Variants in UVSSA observed in about 807,000 individuals in gnomAD.
UVSSA encodes UV-stimulated scaffold protein A.
UVSSA carries 72 observed loss-of-function variants against 73.9 expected under a neutral mutation model. The observed-to-expected ratio is 0.97, with a 90% CI of 0.81 to 1.19. The LOEUF (loss-of-function observed/expected upper bound fraction) is 1.19. Ranked by LOEUF, UVSSA falls within the 50% of genes most tolerant of loss-of-function variation. The pLI, the probability that UVSSA is intolerant of heterozygous loss-of-function variation, is 0.00. For missense variants in UVSSA, 1,150 were observed against 965.0 expected (o/e 1.19, Z -2.54); for synonymous variants, 454 against 391.3 (o/e 1.16, Z -1.89).
intron 2 of UVSSA, 75 bp downstream of exon 2, chr4:1,348,264 G>A: frequency 8.5e-7 from 1 of 1,173,040 alleles, no homozygotes; most frequent in Admixed American, 1.8e-5. Context: ...CTGCCCTCCT[G>A]CCCCCACCTG....
intron 12 of UVSSA, 98 bp from the exon 13 acceptor site, chr4:1,383,668 C>A (rs1039467901): frequency 6.0e-6 from 9 of 1,490,736 alleles, no homozygotes; most frequent in East Asian, 2.3e-5. Flanking sequence ...ACCCAGCCCC[C>A]CTGTCAGGAC....
At chr4:1,368,040 C>T (rs1452862024) in intron 8 of UVSSA, among the ~76,000 whole-genome samples, 2 of 152,268 alleles carry the variant, frequency 1.3e-5, no homozygotes, top group African/African-American at 4.8e-5. Context: ...TGGGTCCAGC[C>T]CCCGGAGCAT....
chr4:1,351,690 C>T lies in UVSSA; in HGVS notation c.430-25C>T, dbSNP rs777994846. 2.3e-5 allele frequency: 37 copies of T among 1,610,556 alleles called. No individual in the cohort carries two copies. The Admixed American group carries it at 4.8e-4, about 21-fold the overall frequency. ...AGGCGTGAGCCACCGCGCCTGTCCC[C>T]TAGTCTTTATTTTCAATTGCTCAGG... is the stretch of plus-strand genomic sequence containing the variant. On this transcript the variant is annotated intron_variant, in intron 3 of 13. Coordinates refer to ENST00000389851, the MANE Select transcript of UVSSA (RefSeq NM_020894.4).
intron 7 of UVSSA, among the ~76,000 whole-genome samples, chr4:1,363,164 T>C (rs1410191420): frequency 1.3e-5 from 2 of 152,072 alleles, no homozygotes; most frequent in African/African-American, 4.8e-5. Context: ...ACGGTGGCTG[T>C]GGTGGGACCT....
At chr4:1,353,467 G>A (rs1715130786) in intron 5 of UVSSA, 54 bp downstream of exon 5, 5 of 1,436,114 alleles carry the variant, frequency 3.5e-6, no homozygotes, top group African/African-American at 1.4e-5. Context: ...CTCCCGGGTA[G>A]GCTCCTCCCT....
intron 4 of UVSSA, among the ~76,000 whole-genome samples, chr4:1,352,601 C>A (rs4974605): frequency 6.6e-6 from 1 of 152,122 alleles, no homozygotes; most frequent in East Asian, 1.9e-4. Context: ...CAGAGGTACA[C>A]AGAGATTGCC....
chr4:1,370,889 C>T (rs1025481348), intron 8 of UVSSA, among the ~76,000 whole-genome samples: 5 of 152,204 alleles, frequency 3.3e-5, no homozygotes, highest in African/African-American at 9.6e-5. Flanking sequence ...GTCGGTGGCT[C>T]ACTCCTTGAT....
At chr4:1,352,905 A>G (rs1275172961) in intron 4 of UVSSA, 125 bp from the exon 5 acceptor site, 5 of 1,308,704 alleles carry the variant, frequency 3.8e-6, no homozygotes, top group Non-Finnish European at 5.2e-6. Context: ...TGATTGCACC[A>G]CTGCATTCCA....
rs952309699 is a variant in UVSSA, at chr4:1,370,266, C to T, written c.1288+3835C>T. ...GTCACTGTGAGCATGTGCGTGTGTG[C>T]GTGTGTGTGCATGCGTGTGCTGACA... On this transcript the variant is annotated intron_variant, in intron 8 of 13. Coordinates refer to ENST00000389851, the MANE Select transcript of UVSSA (RefSeq NM_020894.4). Among the ~76,000 whole-genome samples the T allele has an allele frequency of 9.2e-5, 14 of 152,260 alleles. No homozygotes were observed. The South Asian group carries it at 1.9e-3, about 20-fold the overall frequency.
At chr4:1,375,638 T>TACCCCCGGCCGGGTGAGC in intron 9 of UVSSA, 130 bp downstream of exon 9, 2 of 1,402,990 alleles carry the variant, frequency 1.4e-6, no homozygotes, top group South Asian at 2.8e-5. Context: ...CTTGGGTGTG[T>TACCCCCGGCCGGGTGAGC]ACCCCCGGCC....
At chr4:1,362,999 G>A (rs1716858574) in intron 7 of UVSSA, among the ~76,000 whole-genome samples, 2 of 152,204 alleles carry the variant, frequency 1.3e-5, no homozygotes, top group Non-Finnish European at 2.9e-5. Context: ...TGCGTCTGTG[G>A]GTTTCAGACA....
Position 1,375,472 on chromosome 4 carries a change from A to G in UVSSA, c.1397A>G (p.Gln466Arg). 6.2e-7 allele frequency: 1 copy of G among 1,612,322 alleles called. No individual in the cohort carries two copies. Among genetic ancestry groups the G allele is most frequent in the Non-Finnish European group, 8.5e-7 (1 of 1,179,952 alleles). The change falls in exon 9 of 14, where the codon CAG becomes CGG. Residue 466 changes from glutamine to arginine, a missense_variant. Transcript: ENST00000389851. ...DPTSAAAQLR[Q>R]LRDHLPPPSS... ...ACCTCTGCGGCTGCTCAGCTGCGGC[A>G]GCTCCGGGACCACTTGCCTCCACCC...
In UVSSA at chr4:1,355,242, C is replaced by A; in HGVS notation, c.1173C>A (p.Arg391=). The A allele has an allele frequency of 6.2e-7, 1 of 1,609,610 alleles. No individual in the cohort carries two copies. The change falls in exon 7 of 14, where the codon CGC becomes CGA. Residue 391 remains arginine, a synonymous_variant. Transcript: ENST00000389851. The stretch of plus-strand genomic sequence containing the variant: ...TCGAGCCTGAGGGAGGGGAAAGGCG[C>A]AGGGTGAGTGGGCAGGCGGCGAGCG... The part of the protein sequence containing the change: ...LDIEPEGGER[R]RTEALGDAEE...
chr4:1,395,096 G>A, exon 14 of UVSSA: 1 of 1,326,022 alleles, frequency 7.5e-7, no homozygotes, highest in South Asian at 1.2e-5. Context: ...GTGCCCATGT[G>A]GAGTGCTCGC....
intron 7 of UVSSA, chr4:1,365,927 G>A (rs1018937627): frequency 1.2e-5 from 2 of 161,996 alleles, no homozygotes; most frequent in African/African-American, 2.4e-5. Flanking sequence ...CTAAGCCTCG[G>A]GGGCACCACA....
chr4:1,366,851 G>A (rs1717394906), intron 8 of UVSSA, among the ~76,000 whole-genome samples: 1 of 152,192 alleles, frequency 6.6e-6, no homozygotes, highest in Non-Finnish European at 1.5e-5. Context: ...AGCGGGGCAG[G>A]TCTCTCCCTC....
chr4:1,358,233 C>T (rs2109132282), intron 7 of UVSSA, among the ~76,000 whole-genome samples: 1 of 152,348 alleles, frequency 6.6e-6, no homozygotes, highest in East Asian at 1.9e-4. Flanking sequence ...CGGGGGGTGT[C>T]TGCGGCCAGG....
exon 14 of UVSSA, chr4:1,394,640 C>T (rs114966751): frequency 0.023 from 34,934 of 1,524,270 alleles, 595 homozygotes; most frequent in Non-Finnish European, 0.027. Context: ...GCGGAGTGCC[C>T]GCCTGCTCAC....
chr4:1,378,663 G>A (rs1184046789), intron 10 of UVSSA, among the ~76,000 whole-genome samples: 3 of 152,208 alleles, frequency 2.0e-5, no homozygotes, highest in Non-Finnish European at 4.4e-5. Context: ...GCCGGCTCCT[G>A]AGTGTTCTCA....
Sources: gnomAD v4.1 joint callset for allele counts (sites outside exome capture counted in the v4.1 genomes callset) on GRCh38, gnomAD v4.1.1 for gene constraint, MANE v1.5 for transcripts, NCBI Gene and HGNC (gene_info 2026-07-23, HGNC 2026-07-21) for gene names.